FANK1: variants seen among roughly 807,000 people sequenced by gnomAD.
FANK1 encodes fibronectin type 3 and ankyrin repeat domains protein 1.
Under a neutral mutation model 45.3 loss-of-function variants are expected in FANK1, and 44 were observed. The ratio of observed to expected loss-of-function variants is 0.97; its 90% CI spans 0.76 to 1.25. The LOEUF (loss-of-function observed/expected upper bound fraction) is 1.25. Ranked by LOEUF, FANK1 falls within the 50% of genes most tolerant of loss-of-function variation. The probability of loss-of-function intolerance (pLI) is 0.00; values close to 1 mark genes in which losing one functional copy is unlikely to be tolerated. For missense variants in FANK1, 391 were observed against 424.4 expected, an observed-to-expected ratio of 0.92 and a Z score of 0.69; for synonymous variants, 149 against 152.5, an observed-to-expected ratio of 0.98 and a Z score of 0.17.
intron 1 of FANK1, among the ~76,000 whole-genome samples, chr10:125,922,566 G>A (rs1042196417): frequency 6.6e-6 from 1 of 152,186 alleles, no homozygotes; most frequent in African/African-American, 2.4e-5. Context: ...GCCCAGGCTG[G>A]AGCACAGTGG....
intron 1 of FANK1, among the ~76,000 whole-genome samples, chr10:125,918,592 A>ATATATATATATATATATAGT (rs1946677962): frequency 8.3e-6 from 1 of 120,866 alleles, no homozygotes; most frequent in African/African-American, 3.3e-5. Context: ...AAAAATATAT[A>ATATATATATATATATATAGT]TATATATATA....
intron 6 of FANK1, among the ~76,000 whole-genome samples, chr10:126,001,652 A>G (rs1366242044): frequency 1.3e-5 from 2 of 152,166 alleles, no homozygotes; most frequent in Non-Finnish European, 2.9e-5. Flanking sequence ...CATGGGTGCC[A>G]GGCAGTTTGA....
At chr10:125,946,908 G>T (rs527413329) in intron 1 of FANK1, among the ~76,000 whole-genome samples, 2 of 147,870 alleles carry the variant, frequency 1.4e-5, no homozygotes, top group East Asian at 2.0e-4. Flanking sequence ...GACTAACAGC[G>T]GATCTCTGGG....
chr10:125,982,078 C>T (rs922760921), intron 2 of FANK1, among the ~76,000 whole-genome samples: 2 of 152,112 alleles, frequency 1.3e-5, no homozygotes, highest in African/African-American at 4.8e-5. Context: ...TTAATCATGT[C>T]GTTTTACTTA....
intron 1 of FANK1, among the ~76,000 whole-genome samples, chr10:125,944,013 A>C (rs962038013): frequency 2.6e-5 from 4 of 152,266 alleles, no homozygotes; most frequent in African/African-American, 9.6e-5. Flanking sequence ...TTGCAAATGC[A>C]ACATAAGGTT....
At chr10:125,924,806 CAAAAAAAAAAAA>C (rs58856642) in intron 1 of FANK1, among the ~76,000 whole-genome samples, 1 of 70,784 alleles carries the variant, frequency 1.4e-5, no homozygotes, top group Admixed American at 1.4e-4. Context: ...GACCCCATCT[CAAAAAAAAAAAA>C]AAAAAAAAAA....
At chr10:125,988,005 C>T (rs946419134) in intron 2 of FANK1, among the ~76,000 whole-genome samples, 1 of 152,186 alleles carries the variant, frequency 6.6e-6, no homozygotes, top group Non-Finnish European at 1.5e-5. Flanking sequence ...TGAACTTGAC[C>T]ATGGGGCATG....
chr10:125,953,884 T>C (rs568338603), intron 1 of FANK1, among the ~76,000 whole-genome samples: 1 of 152,296 alleles, frequency 6.6e-6, no homozygotes, highest in East Asian at 1.9e-4. Context: ...CTGTGAGTCT[T>C]GGATGAAATC....
intron 1 of FANK1, among the ~76,000 whole-genome samples, chr10:125,905,200 G>A (rs1945403043): frequency 6.6e-6 from 1 of 152,278 alleles, no homozygotes; most frequent in African/African-American, 2.4e-5. Context: ...TGGAGGCTGA[G>A]GTGGGAGGAT....
rs190325770 is a variant in FANK1 at position 125,903,852 on chromosome 10, T to G, written c.13+7197T>G. On this transcript the variant is annotated intron_variant, in intron 1 of 10. Transcript: ENST00000368693. ...TATATATTTTGTTTGTTTGTTTGTT[T>G]TGTTTTGTTTTTTTGAGACAGAGTT... Among the ~76,000 whole-genome samples, 254 of 152,076 alleles carry G rather than the reference T, an allele frequency of 1.7e-3. 3 individuals are homozygous for G. The highest frequency in any genetic ancestry group is 0.012 in the Admixed American group (178 of 15,268).
rs757042381 is a variant in FANK1 at position 125,983,964 on chromosome 10, C to G, written c.191+3626C>G. On this transcript the variant is annotated intron_variant, in intron 2 of 10. Coordinates refer to ENST00000368693, the MANE Select transcript of FANK1 (RefSeq NM_145235.5). This position sits in a 1 kb window ranked among gnomAD's most constrained non-coding sequence, Gnocchi z 4.3. Reference sequence around the variant, plus strand: ...CTTTTGAAACAGTTTAGGTGGGAGACAACACAACAGTGTGGAAAGTGGGAG... The same window carrying G: ...CTTTTGAAACAGTTTAGGTGGGAGAGAACACAACAGTGTGGAAAGTGGGAG... 6.6e-6 allele frequency among the ~76,000 whole-genome samples: 1 copy of G among 152,082 alleles called. No individual in the cohort carries two copies. The highest frequency in any genetic ancestry group is 1.5e-5 in the Non-Finnish European group (1 of 68,014).
At chr10:125,962,121 G>A (rs938731078) in intron 1 of FANK1, among the ~76,000 whole-genome samples, 1 of 152,154 alleles carries the variant, frequency 6.6e-6, no homozygotes, top group Non-Finnish European at 1.5e-5. Flanking sequence ...TATCCAAGGA[G>A]CTCGAACATC....
intron 1 of FANK1, among the ~76,000 whole-genome samples, chr10:125,944,961 T>G (rs893274670): frequency 1.3e-5 from 2 of 152,194 alleles, no homozygotes; most frequent in Non-Finnish European, 2.9e-5. Context: ...ATTCCTCTAG[T>G]GCTGCTAGGT....
chr10:126,008,275 G>T, intron 7 of FANK1, 132 bp from the exon 8 acceptor site: 1 of 1,248,058 alleles, frequency 8.0e-7, no homozygotes, highest in South Asian at 1.7e-5. Flanking sequence ...TTAGCACAGT[G>T]CAATGAACCA....
intron 1 of FANK1, among the ~76,000 whole-genome samples, chr10:125,955,840 C>G (rs1949541005): frequency 6.6e-6 from 1 of 152,172 alleles, no homozygotes; most frequent in Admixed American, 6.6e-5. Flanking sequence ...GATTATTCAG[C>G]TCCAAAACAA....
chr10:125,905,882 A>G (rs1004183872), intron 1 of FANK1, among the ~76,000 whole-genome samples: 6 of 152,308 alleles, frequency 3.9e-5, no homozygotes, highest in Non-Finnish European at 1.5e-5. Flanking sequence ...ACAATCAGGA[A>G]TGAGCATTCC....
chr10:125,957,147 A>C (rs1033434443), intron 1 of FANK1, among the ~76,000 whole-genome samples: 3 of 152,068 alleles, frequency 2.0e-5, no homozygotes, highest in Non-Finnish European at 4.4e-5. Flanking sequence ...GAGCCACCGC[A>C]CCTGGCTTAC....
intron 7 of FANK1, 42 bp downstream of exon 7, chr10:126,005,091 A>G: frequency 6.3e-7 from 1 of 1,576,850 alleles, no homozygotes; most frequent in South Asian, 1.1e-5. Context: ...ATCGTTAAGA[A>G]TCTGAAATGC....
intron 1 of FANK1, among the ~76,000 whole-genome samples, chr10:125,910,700 A>G (rs1215477324): frequency 1.3e-5 from 2 of 151,136 alleles, no homozygotes; most frequent in Admixed American, 6.6e-5. Flanking sequence ...ATGGACATCC[A>G]GTTTGTTTCC....
Sources: allele counts gnomAD v4.1 joint callset (sites outside exome capture counted in the v4.1 genomes callset), GRCh38; gene constraint gnomAD v4.1.1; non-coding constraint Gnocchi (gnomAD v3.1); transcripts MANE v1.5; gene names NCBI Gene and HGNC (gene_info 2026-07-23, HGNC 2026-07-21).